Variants in RADX observed in about 807,000 individuals in gnomAD.
RADX encodes RPA1 related single stranded DNA binding protein, X-linked.
Under a neutral mutation model 61.6 loss-of-function variants are expected in RADX, and 36 were observed. That is an observed-to-expected ratio of 0.58 (90% CI 0.45 to 0.77). The LOEUF is 0.77. RADX is among the 30% of genes least tolerant of loss of function. RADX has a pLI of 0.00. For missense variants in RADX, 497 were observed against 651.1 expected (o/e 0.76, Z 2.58); for synonymous variants, 272 against 237.9 (o/e 1.14, Z -1.32).
chrX:106,674,411 A>G (rs1350319104), intron 13 of RADX, among the ~76,000 whole-genome samples: 1 of 112,089 alleles, frequency 8.9e-6, no homozygotes. Flanking sequence ...CCAGCAATGC[A>G]TGAGGATTCC....
chrX:106,677,273 G>T (rs758402094), intron 13 of RADX, among the ~76,000 whole-genome samples: 1 of 112,064 alleles, frequency 8.9e-6, no homozygotes, highest in South Asian at 3.7e-4. Flanking sequence ...CCCCTTATCT[G>T]CGGAGTGAGG....
At chrX:106,658,340 A>G (rs991756453) in intron 11 of RADX, among the ~76,000 whole-genome samples, 2 of 111,894 alleles carry the variant, frequency 1.8e-5, no homozygotes, top group Admixed American at 9.5e-5. Flanking sequence ...TGACAAACTC[A>G]GTATTCCAGC....
intron 1 of RADX, among the ~76,000 whole-genome samples, chrX:106,613,431 T>A (rs750743990): frequency 9.8e-5 from 11 of 112,024 alleles, no homozygotes; most frequent in Middle Eastern, 4.6e-3. Context: ...ATACGTTTTT[T>A]TTCTCTAACA....
At chrX:106,651,489 A>G (rs182972412) in intron 11 of RADX, among the ~76,000 whole-genome samples, 2 of 111,726 alleles carry the variant, frequency 1.8e-5, no homozygotes, top group African/African-American at 6.5e-5. Context: ...ACCAAAAGGA[A>G]ATATCAGAAT....
At chrX:106,625,708 G>A (rs113349405) in intron 3 of RADX, among the ~76,000 whole-genome samples, 186 of 110,751 alleles carry the variant, frequency 1.7e-3, no homozygotes, top group African/African-American at 5.7e-3. Flanking sequence ...TACCCTTTAC[G>A]CATATTCAAC....
intron 3 of RADX, among the ~76,000 whole-genome samples, chrX:106,631,804 A>C (rs1021299876): frequency 1.8e-5 from 2 of 108,342 alleles, no homozygotes; most frequent in African/African-American, 6.8e-5. Context: ...GAAAGAAAGA[A>C]GAAAGAAAGA....
chrX:106,612,293 G>C lies in RADX; in HGVS notation c.213G>C (p.Val71=), dbSNP rs1035070717. The change falls in exon 1 of 14, where the codon GTG becomes GTC. Residue 71 remains valine, a synonymous_variant. Coordinates refer to ENST00000372548, the MANE Select transcript of RADX (RefSeq NM_018015.6). ...VTPSEVVPVT[V]LAVQRYLLED... ...CCTCGGAGGTGGTGCCTGTAACTGTGCTGGCCGTCCAGAGGTACCTGTTAG... is the reference window on the plus strand; with the variant it reads ...CCTCGGAGGTGGTGCCTGTAACTGTCCTGGCCGTCCAGAGGTACCTGTTAG... 6.6e-6 allele frequency: 8 copies of C among 1,211,491 alleles called. No homozygotes were observed. The highest frequency in any genetic ancestry group is 7.8e-6 in the Non-Finnish European group (7 of 895,447).
intron 3 of RADX, among the ~76,000 whole-genome samples, chrX:106,631,840 G>C (rs1329535964): frequency 1.8e-5 from 2 of 108,228 alleles, no homozygotes; most frequent in Non-Finnish European, 3.8e-5. Context: ...AAGAAAGAAA[G>C]AAAAAAGAAA....
chrX:106,639,772 C>T (rs1927458398), intron 9 of RADX, 85 bp downstream of exon 9: 1 of 758,094 alleles, frequency 1.3e-6, no homozygotes, highest in African/African-American at 2.2e-5. Context: ...TTATTCAGAA[C>T]TCACGTGTAT....
intron 1 of RADX, among the ~76,000 whole-genome samples, chrX:106,622,391 T>A (rs1218447102): frequency 1.8e-5 from 2 of 110,298 alleles, no homozygotes; most frequent in African/African-American, 6.6e-5. Context: ...TGGAGGGCAT[T>A]CTAGGTGGGA....
chrX:106,662,727 A>G (rs1051961183), intron 12 of RADX, among the ~76,000 whole-genome samples: 3 of 108,309 alleles, frequency 2.8e-5, no homozygotes, highest in Non-Finnish European at 3.8e-5. Flanking sequence ...AAAAAAAAAA[A>G]GGAAGAAAAA....
At chrX:106,642,913 G>T (rs1232437454) in intron 10 of RADX, among the ~76,000 whole-genome samples, 1 of 111,580 alleles carries the variant, frequency 9.0e-6, no homozygotes, top group East Asian at 2.8e-4. Context: ...ACCAGCATTT[G>T]TTATTGCCTG....
chrX:106,662,144 C>A lies in RADX; in HGVS notation c.2108C>A (p.Pro703His), dbSNP rs144581178. The A allele has an allele frequency of 8.3e-7, 1 of 1,208,617 alleles. No homozygotes were observed. Among genetic ancestry groups the A allele is most frequent in the Non-Finnish European group, 1.1e-6 (1 of 894,706 alleles). The change falls in exon 12 of 14, where the codon CCT (proline) becomes CAT (histidine). Residue 703 changes from proline to histidine, a missense_variant. Coordinates refer to ENST00000372548, the MANE Select transcript of RADX (RefSeq NM_018015.6). The part of the protein sequence containing the change: ...IDHLHYSRVY[P>H]ESIPRKFMFE... ...CACCTACACTACAGCCGTGTTTATC[C>A]TGAAAGTATTCCACGGAAATTTATG...
intron 3 of RADX, among the ~76,000 whole-genome samples, chrX:106,629,268 A>G (rs781782250): frequency 7.2e-5 from 8 of 111,752 alleles, no homozygotes; most frequent in Non-Finnish European, 1.3e-4. Context: ...ATTAAGTGAT[A>G]CTATGACAAT....
Position 106,625,189 on chromosome X carries a change from C to A in RADX, c.886C>A (p.Leu296Ile). Residue 296 changes from leucine (L) to isoleucine (I), a missense_variant, in exon 3 of 14, where the codon CTT becomes ATT. Physicochemically the swap from Leu to Ile is conservative, Grantham distance 5 (BLOSUM62 2). Transcript: ENST00000372548. ...TAAAAGTTTGCGGGTTGGTTTAGTT[C>A]TTCTGCTTCAAGACTATTCTGTTAA... Reference protein sequence around the residue: ...WYKSLRVGLVLLLQDYSVKKS... With the variant: ...WYKSLRVGLVILLQDYSVKKS... 8.3e-7 allele frequency: 1 copy of A among 1,205,514 alleles called. No individual in the cohort carries two copies. Among genetic ancestry groups the A allele is most frequent in the Non-Finnish European group, 1.1e-6 (1 of 891,599 alleles).
At chrX:106,642,950 G>C (rs746740869) in intron 10 of RADX, among the ~76,000 whole-genome samples, 1 of 111,402 alleles carries the variant, frequency 9.0e-6, no homozygotes, top group Non-Finnish European at 1.9e-5. Context: ...CGTTTTAACT[G>C]AGGTAAAATG....
At chrX:106,657,720 G>A (rs1927981154) in intron 11 of RADX, among the ~76,000 whole-genome samples, 1 of 111,333 alleles carries the variant, frequency 9.0e-6, no homozygotes, top group African/African-American at 3.3e-5. Flanking sequence ...AGTAATTGGG[G>A]CAGTTAGAAC....
At chrX:106,635,132 T>A (rs1781613590) in intron 6 of RADX, among the ~76,000 whole-genome samples, 1 of 111,812 alleles carries the variant, frequency 8.9e-6, no homozygotes, top group Non-Finnish European at 1.9e-5. Context: ...AATTCTTTGG[T>A]AGTATGACTT....
chrX:106,653,683 C>A (rs1927858582), intron 11 of RADX, among the ~76,000 whole-genome samples: 1 of 110,596 alleles, frequency 9.0e-6, no homozygotes, highest in Non-Finnish European at 1.9e-5. Context: ...CTATCCCTCC[C>A]CTAGCCCCCA....
Sources: allele counts gnomAD v4.1 joint callset (sites outside exome capture counted in the v4.1 genomes callset), GRCh38; gene constraint gnomAD v4.1.1; transcripts MANE v1.5; gene names NCBI Gene and HGNC (gene_info 2026-07-23, HGNC 2026-07-21).